ST8SIA2: variants seen among roughly 807,000 people sequenced by gnomAD.
The protein encoded by ST8SIA2 is ST8 alpha-N-acetyl-neuraminide alpha-2,8-sialyltransferase 2, also known as alpha-2,8-sialyltransferase 8B.
In ST8SIA2, 22 loss-of-function variants were observed where a neutral mutation model predicts 37.6. The ratio of observed to expected loss-of-function variants is 0.58; its 90% CI spans 0.42 to 0.83. The LOEUF is 0.83. Ranked by LOEUF, ST8SIA2 falls within the 40% of genes least tolerant of loss-of-function variation. ST8SIA2 has a pLI of 0.00. For missense variants in ST8SIA2, 382 were observed against 484.7 expected (o/e 0.79, Z 1.99); for synonymous variants, 205 against 201.2 (o/e 1.02, Z -0.16).
At chr15:92,445,628 A>G (rs2049836956) in intron 5 of ST8SIA2, among the ~76,000 whole-genome samples, 1 of 152,220 alleles carries the variant, frequency 6.6e-6, no homozygotes, top group African/African-American at 2.4e-5. Context: ...GCAATATGAA[A>G]GAGATAGGGA....
intron 3 of ST8SIA2, 86 bp from the exon 4 acceptor site, chr15:92,438,267 A>G (rs1337643659): frequency 6.2e-7 from 1 of 1,601,314 alleles, no homozygotes; most frequent in African/African-American, 1.3e-5. Flanking sequence ...GCCACCGTGC[A>G]GGGCGACCCT....
At chr15:92,412,684 G>A (rs1014219818) in intron 1 of ST8SIA2, among the ~76,000 whole-genome samples, 6 of 152,110 alleles carry the variant, frequency 3.9e-5, no homozygotes, top group African/African-American at 1.4e-4. Flanking sequence ...TTGAGACAGG[G>A]TCTTGCTCTG....
Position 92,434,289 on chromosome 15 carries a change from T to C in ST8SIA2, c.204T>C (p.Val68=), listed in dbSNP as rs756803008. ...VINGSSSPAV[V]DRSNESIKHN... ...ACGGCTCCTCATCACCAGCTGTTGT[T>C]GACAGAAGTAATGAAAGCATCAAGC... The change falls in exon 3 of 6, where the codon GTT becomes GTC. Residue 68 remains valine (V), a synonymous_variant. Coordinates refer to ENST00000268164, the MANE Select transcript of ST8SIA2 (RefSeq NM_006011.4). The C allele has an allele frequency of 2.5e-6, 4 of 1,614,136 alleles. No individual in the cohort carries two copies. In the Admixed American group the frequency reaches 6.7e-5, roughly 27 times the overall value.
chr15:92,451,362 T>C (rs2049880805), intron 5 of ST8SIA2, among the ~76,000 whole-genome samples: 1 of 152,152 alleles, frequency 6.6e-6, no homozygotes, highest in Non-Finnish European at 1.5e-5. Context: ...CTGCAGTTGT[T>C]CAGAGCCTGG....
chr15:92,459,646 C>T (rs1291269287), intron 5 of ST8SIA2, among the ~76,000 whole-genome samples: 1 of 152,176 alleles, frequency 6.6e-6, no homozygotes, highest in Non-Finnish European at 1.5e-5. Flanking sequence ...GTCACCCAGA[C>T]TGGAGGGCAA....
intron 1 of ST8SIA2, among the ~76,000 whole-genome samples, chr15:92,395,625 A>G (rs866239760): frequency 6.6e-6 from 1 of 152,216 alleles, no homozygotes; most frequent in African/African-American, 2.4e-5. Context: ...TCCCACGCAG[A>G]GATAAACATG....
intron 1 of ST8SIA2, among the ~76,000 whole-genome samples, chr15:92,408,675 T>TA (rs1177815632): frequency 1.8e-5 from 2 of 112,694 alleles, no homozygotes; most frequent in African/African-American, 8.8e-5. Context: ...GAGTTCCATT[T>TA]TTTTTATTTA....
intron 1 of ST8SIA2, among the ~76,000 whole-genome samples, chr15:92,394,772 G>C (rs2049417853): frequency 6.6e-6 from 1 of 152,174 alleles, no homozygotes; most frequent in Non-Finnish European, 1.5e-5. Flanking sequence ...CGCATAGCTG[G>C]ACTGAGACCC....
chr15:92,468,303 C>T lies in ST8SIA2; in HGVS notation c.*3918C>T, dbSNP rs1302032605. On this transcript the variant is annotated 3_prime_UTR_variant, in exon 6 of 6. Transcript: ENST00000268164. ...CATTACAGACCACCGGATAAGGCCC[C>T]ATTCTTCCTTTACACCCTCCCCTGG... 2 of 152,694 alleles carry T rather than the reference C, an allele frequency of 1.3e-5. No individual in the cohort carries two copies. Among genetic ancestry groups the T allele is most frequent in the Middle Eastern group, 3.2e-3 (1 of 316 alleles). The allele number at this position is 152,694 out of a possible 1,614,324, so 9.5% of individuals were successfully genotyped here.
rs2049702840 is a variant in ST8SIA2, at chr15:92,429,919, C to T, written c.99-130C>T. 5.1e-6 allele frequency: 5 copies of T among 980,306 alleles called. No homozygotes were observed. The South Asian group carries it at 5.5e-5, about 11-fold the overall frequency. 60.7% of individuals were successfully genotyped at this position (980,306 alleles called of 1,614,324 possible). ...TGGGGCCAGGACTTTGCCCATTCTG[C>T]AGAGTCCAGAATGAGGTCTCTTCCA... On this transcript the variant is annotated intron_variant, in intron 1 of 5. Transcript: ENST00000268164.
intron 1 of ST8SIA2, among the ~76,000 whole-genome samples, chr15:92,407,170 T>G (rs887821258): frequency 2.6e-5 from 4 of 152,246 alleles, no homozygotes; most frequent in Middle Eastern, 3.4e-3. Flanking sequence ...AAACTGAGAC[T>G]CAGATAGAGT....
chr15:92,434,327 C>T lies in ST8SIA2; in HGVS notation c.242C>T (p.Pro81Leu), dbSNP rs777664815. ...SNESIKHNIQPASSKWRHNQT... is the reference protein window; with the variant it reads ...SNESIKHNIQLASSKWRHNQT... The stretch of plus-strand genomic sequence containing the variant: ...GAAAGCATCAAGCACAACATCCAGC[C>T]AGCCTCGTCCAAATGGAGACATAAC... The change falls in exon 3 of 6, where the codon CCA (proline) becomes CTA (leucine). Residue 81 changes from proline (P) to leucine (L), a missense_variant. Transcript: ENST00000268164. The T allele has an allele frequency of 6.2e-7, 1 of 1,614,056 alleles. No individual in the cohort carries two copies. The highest frequency in any genetic ancestry group is 8.5e-7 in the Non-Finnish European group (1 of 1,180,046).
At chr15:92,409,476 G>C (rs115225560) in intron 1 of ST8SIA2, among the ~76,000 whole-genome samples, 32 of 152,268 alleles carry the variant, frequency 2.1e-4, no homozygotes, top group Non-Finnish European at 3.5e-4. Context: ...ATTAGCTGCC[G>C]GAGAGGGTTG....
chr15:92,420,806 C>G lies in ST8SIA2; in HGVS notation c.99-9243C>G, dbSNP rs532130895. ...GGAAACAACACTATCAAGGCTGAAA[C>G]CAGCATAGGTCTCCAGAGCTGCTGT... On this transcript the variant is annotated intron_variant, in intron 1 of 5. Coordinates refer to ENST00000268164, the MANE Select transcript of ST8SIA2 (RefSeq NM_006011.4). The G allele has an allele frequency of 1.1e-4, 17 of 152,316 alleles. No homozygotes were observed. The East Asian group carries it at 2.1e-3, about 19-fold the overall frequency. 9.4% of individuals were successfully genotyped at this position (152,316 alleles called of 1,614,324 possible). A position where few individuals can be genotyped will look rare whatever the true frequency, so the allele number is the denominator to read the frequency against.
chr15:92,444,937 G>C lies in ST8SIA2; in HGVS notation c.842+8G>C, dbSNP rs1378310715. 1.2e-6 allele frequency: 2 copies of C among 1,608,032 alleles called. No homozygotes were observed. Among genetic ancestry groups the C allele is most frequent in the Non-Finnish European group, 1.7e-6 (2 of 1,180,010 alleles). On this transcript the variant is annotated splice_region_variant and intron_variant, in intron 5 of 5. Transcript: ENST00000268164. ...GCTGCACGCCGTTCGCGGGTGAGCG[G>C]CCTCCCTACAGGCCAGTAGGACCGT...
chr15:92,434,274 A>C lies in ST8SIA2; in HGVS notation c.189A>C (p.Ser63=). The change falls in exon 3 of 6, where the codon TCA becomes TCC. Residue 63 remains serine, a synonymous_variant. Coordinates refer to ENST00000268164, the MANE Select transcript of ST8SIA2 (RefSeq NM_006011.4). ...CTGAAGTTGTAATAAACGGCTCCTC[A>C]TCACCAGCTGTTGTTGACAGAAGTA... The part of the protein sequence containing the change: ...NRAEVVINGS[S]SPAVVDRSNE... 5 of 1,613,996 alleles carry C rather than the reference A, an allele frequency of 3.1e-6. No homozygotes were observed. Among genetic ancestry groups the C allele is most frequent in the Non-Finnish European group, 4.2e-6 (5 of 1,180,004 alleles).
At chr15:92,402,500 C>T (rs1030190610) in intron 1 of ST8SIA2, among the ~76,000 whole-genome samples, 2 of 152,158 alleles carry the variant, frequency 1.3e-5, no homozygotes, top group Non-Finnish European at 2.9e-5. Context: ...CTCCAAAAAA[C>T]GATGTCTTAA....
intron 5 of ST8SIA2, among the ~76,000 whole-genome samples, chr15:92,457,629 A>C (rs2049928901): frequency 6.6e-6 from 1 of 152,226 alleles, no homozygotes; most frequent in African/African-American, 2.4e-5. Context: ...GGAAAGGAAT[A>C]GTCTTCAAGT....
At chr15:92,445,176 A>G (rs1437565961) in intron 5 of ST8SIA2, 11 of 591,100 alleles carry the variant, frequency 1.9e-5, no homozygotes, top group Non-Finnish European at 3.0e-5. Flanking sequence ...TGAGTTGAGA[A>G]TGATCTTGGG....
Sources: gnomAD v4.1 joint callset for allele counts (sites outside exome capture counted in the v4.1 genomes callset) on GRCh38, gnomAD v4.1.1 for gene constraint, MANE v1.5 for transcripts, NCBI Gene and HGNC (gene_info 2026-07-23, HGNC 2026-07-21) for gene names.